KCNN2: variants seen among roughly 807,000 people sequenced by gnomAD.
KCNN2 encodes the protein small conductance calcium-activated potassium channel protein 2.
In KCNN2, 24 loss-of-function variants were observed where a neutral mutation model predicts 55.5. The ratio of observed to expected loss-of-function variants is 0.43; its 90% CI spans 0.31 to 0.61. The LOEUF (loss-of-function observed/expected upper bound fraction) is 0.61. KCNN2 is among the 20% of genes least tolerant of loss of function. The pLI is 0.08. For synonymous variants in KCNN2, 431 were observed against 336.1 expected (o/e 1.28, Z -3.09); for missense variants, 754 against 853.6 (o/e 0.88, Z 1.45).
At chr5:114,274,078 A>G (rs1363678905) in intron 2 of KCNN2, among the ~76,000 whole-genome samples, 1 of 152,146 alleles carries the variant, frequency 6.6e-6, no homozygotes, top group African/African-American at 2.4e-5. Context: ...TTTTCTCAAC[A>G]CCATTTATTA....
intron 1 of KCNN2, among the ~76,000 whole-genome samples, chr5:114,060,042 T>TCAC (rs1210699983): frequency 6.6e-6 from 1 of 152,268 alleles, no homozygotes; most frequent in Admixed American, 6.5e-5. Context: ...CTAACAGCCC[T>TCAC]AGCCCCACAG....
intron 1 of KCNN2, among the ~76,000 whole-genome samples, chr5:114,170,700 G>C (rs1318039016): frequency 6.6e-6 from 1 of 151,574 alleles, no homozygotes; most frequent in Non-Finnish European, 1.5e-5. Flanking sequence ...CTCAGTTTCA[G>C]AGTATACAAA....
At chr5:114,323,667 T>TTTTTTTTTTTTTTTTTTTTTTTTTG (rs59586293) in intron 2 of KCNN2, among the ~76,000 whole-genome samples, 1 of 140,378 alleles carries the variant, frequency 7.1e-6, no homozygotes, top group Admixed American at 7.2e-5. Flanking sequence ...TTTTTTTTTT[T>TTTTTTTTTTTTTTTTTTTTTTTTTG]GCTGGTCGGG....
At chr5:114,428,169 G>A (rs1759684091) in intron 3 of KCNN2, among the ~76,000 whole-genome samples, 2 of 151,976 alleles carry the variant, frequency 1.3e-5, no homozygotes, top group South Asian at 4.2e-4. Context: ...TCTTTAATCT[G>A]TATTATGTCT....
intron 1 of KCNN2, among the ~76,000 whole-genome samples, chr5:114,177,599 A>G (rs1753162503): frequency 6.7e-6 from 1 of 148,736 alleles, no homozygotes; most frequent in East Asian, 2.0e-4. Flanking sequence ...TAATTATGAA[A>G]TACACCATAC....
chr5:114,156,259 G>C (rs1752632819), intron 1 of KCNN2, among the ~76,000 whole-genome samples: 1 of 152,138 alleles, frequency 6.6e-6, no homozygotes, highest in South Asian at 2.1e-4. Flanking sequence ...TCTTGTACCA[G>C]TACCATGCTG....
intron 2 of KCNN2, among the ~76,000 whole-genome samples, chr5:114,269,627 C>T (rs770678247): frequency 1.3e-5 from 2 of 152,000 alleles, no homozygotes; most frequent in Non-Finnish European, 2.9e-5. Flanking sequence ...TATTTTAATA[C>T]CCCGTAATGT....
intron 2 of KCNN2, among the ~76,000 whole-genome samples, chr5:114,240,638 C>G (rs147671087): frequency 0.026 from 3,930 of 152,054 alleles, 71 homozygotes; most frequent in Non-Finnish European, 0.041. Context: ...GCCATGTTGC[C>G]CAGGCTGGTC....
chr5:114,126,541 C>T (rs769511621), intron 1 of KCNN2, among the ~76,000 whole-genome samples: 3 of 152,116 alleles, frequency 2.0e-5, no homozygotes, highest in East Asian at 1.9e-4. Flanking sequence ...TTATCTCCAC[C>T]GTGTCCCTCC....
chr5:114,208,665 T>C (rs1753819332), intron 1 of KCNN2, among the ~76,000 whole-genome samples: 1 of 152,134 alleles, frequency 6.6e-6, no homozygotes, highest in African/African-American at 2.4e-5. Context: ...CTATGAAAAA[T>C]GAGGCTTTAC....
intron 3 of KCNN2, among the ~76,000 whole-genome samples, chr5:114,422,782 C>T (rs560052806): frequency 6.2e-4 from 95 of 152,220 alleles, no homozygotes; most frequent in Non-Finnish European, 1.1e-3. Flanking sequence ...GTGGGCAGAC[C>T]ATCGTCAGAG....
chr5:114,363,470 G>C (rs1296874525), intron 1 of KCNN2, among the ~76,000 whole-genome samples: 1 of 152,216 alleles, frequency 6.6e-6, no homozygotes, highest in African/African-American at 2.4e-5. Context: ...CAAAGTTCTC[G>C]AGGCAGTTAA....
intron 3 of KCNN2, among the ~76,000 whole-genome samples, chr5:114,436,840 C>T (rs1760021513): frequency 6.6e-6 from 1 of 152,150 alleles, no homozygotes; most frequent in Non-Finnish European, 1.5e-5. Context: ...TTGACACTAT[C>T]CAATGTGATA....
chr5:114,485,386 G>A (rs369676666), intron 5 of KCNN2, among the ~76,000 whole-genome samples: 9 of 152,026 alleles, frequency 5.9e-5, no homozygotes, highest in Admixed American at 4.6e-4. Context: ...CCAACCCCAG[G>A]GACTGCTGGC....
At chr5:114,267,300 T>C (rs1755230513) in intron 2 of KCNN2, among the ~76,000 whole-genome samples, 1 of 152,144 alleles carries the variant, frequency 6.6e-6, no homozygotes, top group African/African-American at 2.4e-5. Flanking sequence ...CGGCCCCACC[T>C]CTTTCTTAAT....
chr5:114,439,431 ACTC>A, intron 3 of KCNN2, among the ~76,000 whole-genome samples: 1 of 152,228 alleles, frequency 6.6e-6, no homozygotes, highest in East Asian at 1.9e-4. Context: ...AGTGTTAACT[ACTC>A]TTTTTTACGA....
In KCNN2 at chr5:114,143,080, G is replaced by A. The variant is rs183386192; in HGVS notation, c.-270-78400G>A. Among the ~76,000 whole-genome samples the A allele has an allele frequency of 1.8e-4, 28 of 152,106 alleles. No individual in the cohort carries two copies. In the East Asian group the frequency reaches 5.0e-3, roughly 27 times the overall value. ...GAAAGCTGGGTCCAGGGGGGTCACCGCCTTCTGGTCCCAAGATGCTGCCAA... is the reference window on the plus strand; with the variant it reads ...GAAAGCTGGGTCCAGGGGGGTCACCACCTTCTGGTCCCAAGATGCTGCCAA... On this transcript the variant is annotated intron_variant, in intron 1 of 10. Coordinates refer to the KCNN2 transcript ENST00000512097.
intron 1 of KCNN2, among the ~76,000 whole-genome samples, chr5:114,133,305 A>AT (rs1752107316): frequency 3.3e-5 from 5 of 152,068 alleles, no homozygotes; most frequent in Admixed American, 2.6e-4. Context: ...AATTTTTATG[A>AT]TTCTTTTCAT....
intron 3 of KCNN2, among the ~76,000 whole-genome samples, chr5:114,436,114 A>G (rs338660): frequency 0.79 from 120,261 of 152,180 alleles, 47,660 homozygotes; most frequent in East Asian, 0.96. Flanking sequence ...TCACCTCATT[A>G]TACTTGAAAT....
Sources: allele counts gnomAD v4.1 joint callset (sites outside exome capture counted in the v4.1 genomes callset), GRCh38; gene constraint gnomAD v4.1.1; transcripts MANE v1.5; gene names NCBI Gene and HGNC (gene_info 2026-07-23, HGNC 2026-07-21).